Variants in OSBPL10 observed in about 807,000 individuals in gnomAD.
OSBPL10 encodes the protein oxysterol binding protein like 10.
Under a neutral mutation model 81.7 loss-of-function variants are expected in OSBPL10, and 49 were observed. The ratio of observed to expected loss-of-function variants is 0.60; its 90% CI spans 0.48 to 0.76. The LOEUF (loss-of-function observed/expected upper bound fraction) is 0.76. Among genes scored for constraint, OSBPL10 ranks in the 30% least tolerant of loss-of-function variants. The pLI, the probability that OSBPL10 is intolerant of heterozygous loss-of-function variation, is 0.00. For synonymous variants in OSBPL10, 419 were observed against 383.6 expected (o/e 1.09, Z -1.08); for missense variants, 923 against 987.8 (o/e 0.93, Z 0.88).
At chr3:31,680,147 T>C (rs1335279466) in intron 8 of OSBPL10, among the ~76,000 whole-genome samples, 3 of 152,158 alleles carry the variant, frequency 2.0e-5, no homozygotes, top group Non-Finnish European at 4.4e-5. Flanking sequence ...AAGAGGCCGG[T>C]GAGGAAATAC....
chr3:31,783,647 C>T (rs1397484310), intron 4 of OSBPL10, among the ~76,000 whole-genome samples: 1 of 149,534 alleles, frequency 6.7e-6, no homozygotes. Flanking sequence ...AAAAATTAGC[C>T]AGGCATGGTG....
intron 1 of OSBPL10, among the ~76,000 whole-genome samples, chr3:32,072,240 G>C (rs915231406): frequency 6.6e-6 from 1 of 152,118 alleles, no homozygotes; most frequent in African/African-American, 2.4e-5. Context: ...GCTTCTCAAG[G>C]CCGCTTTACT....
intron 2 of OSBPL10, among the ~76,000 whole-genome samples, chr3:32,014,139 C>T (rs1284542802): frequency 6.6e-6 from 1 of 151,870 alleles, no homozygotes; most frequent in Admixed American, 6.6e-5. Flanking sequence ...AGACACACAA[C>T]AAAAAAAGAG....
intron 2 of OSBPL10, among the ~76,000 whole-genome samples, chr3:32,046,148 G>C (rs1699619703): frequency 6.6e-6 from 1 of 152,234 alleles, no homozygotes; most frequent in African/African-American, 2.4e-5. Context: ...GGGAGGCCAA[G>C]GAGGGAGGAT....
At position 32,065,991 on chromosome 3, in the gene OSBPL10, GAAAGAA is replaced by G. The variant is rs1559557363; in HGVS notation, n.185+11399_185+11404del. Among the ~76,000 whole-genome samples, 7 of 65,290 alleles carry G rather than the reference GAAAGAA, an allele frequency of 1.1e-4. 2 individuals carry two copies. The highest frequency in any genetic ancestry group is 2.5e-4 in the African/African-American group (7 of 28,002). The allele number at this position is 65,290 out of a possible 152,430, so 42.8% of individuals were successfully genotyped here. A position where few individuals can be genotyped will look rare whatever the true frequency, so the allele number is the denominator to read the frequency against. ...AGAAAGAAAGAAAGAAAGAAAGAAA[GAAAGAA>G]AGAAAGAAAGAGAAAGAAAGAAAGA... On this transcript the variant is annotated intron_variant and non_coding_transcript_variant, in intron 1 of 3. Coordinates refer to the OSBPL10 transcript ENST00000479173.
intron 10 of OSBPL10, among the ~76,000 whole-genome samples, chr3:31,667,565 A>C (rs945109007): frequency 1.3e-5 from 2 of 152,262 alleles, no homozygotes; most frequent in Admixed American, 6.5e-5. Context: ...GCTTTCATAA[A>C]ATCATTTGTA....
chr3:31,952,803 G>A (rs768628040), intron 1 of OSBPL10, among the ~76,000 whole-genome samples: 3 of 152,098 alleles, frequency 2.0e-5, no homozygotes, highest in Admixed American at 6.5e-5. Flanking sequence ...GATAATATGT[G>A]TGAAGATGAT....
At chr3:31,746,557 A>T (rs1697526504) in intron 5 of OSBPL10, among the ~76,000 whole-genome samples, 1 of 151,978 alleles carries the variant, frequency 6.6e-6, no homozygotes. Context: ...GCATGCCTGT[A>T]ATTCCAGCTA....
At chr3:31,970,379 A>G (rs1698525890) in intron 1 of OSBPL10, among the ~76,000 whole-genome samples, 1 of 152,178 alleles carries the variant, frequency 6.6e-6, no homozygotes, top group African/African-American at 2.4e-5. Flanking sequence ...CTGAAATTCC[A>G]GCCATCATTT....
At chr3:31,791,808 A>C (rs1699016979) in intron 4 of OSBPL10, among the ~76,000 whole-genome samples, 1 of 152,072 alleles carries the variant, frequency 6.6e-6, no homozygotes, top group South Asian at 2.1e-4. Context: ...TACAGTGCTT[A>C]AAATGAAAAA....
rs1020427349 is a variant in OSBPL10 at position 31,743,047 on chromosome 3, T to G, written c.940+4863A>C. 7.0e-5 allele frequency among the ~76,000 whole-genome samples: 10 copies of G among 142,638 alleles called. No individual in the cohort carries two copies. The East Asian group carries it at 1.6e-3, about 23-fold the overall frequency. 93.6% of individuals were successfully genotyped at this position (142,638 alleles called of 152,430 possible). On this transcript the variant is annotated intron_variant, in intron 5 of 11. Coordinates refer to ENST00000396556, the MANE Select transcript of OSBPL10 (RefSeq NM_017784.5). ...GCTAAATTAGTTTTTTTTTTTTTTT[T>G]TTTTTTTTTTTTAGAGAGAGTCTTG...
At chr3:31,916,929 A>G (rs1225997153) in intron 1 of OSBPL10, among the ~76,000 whole-genome samples, 3 of 152,218 alleles carry the variant, frequency 2.0e-5, no homozygotes, top group Admixed American at 6.5e-5. Flanking sequence ...CGGGACTCCT[A>G]TTAAGATATG....
At chr3:31,917,500 C>T (rs575987672) in intron 1 of OSBPL10, among the ~76,000 whole-genome samples, 136 of 151,904 alleles carry the variant, frequency 9.0e-4, no homozygotes, top group African/African-American at 3.1e-3. Flanking sequence ...AGCTGAAAGA[C>T]TACAGACACC....
chr3:31,839,033 C>T (rs1575576598), intron 3 of OSBPL10, among the ~76,000 whole-genome samples: 1 of 152,312 alleles, frequency 6.6e-6, no homozygotes, highest in East Asian at 1.9e-4. Context: ...TCTAACCAGC[C>T]ATGGTGTATT....
intron 7 of OSBPL10, among the ~76,000 whole-genome samples, chr3:31,689,784 T>C (rs748900218): frequency 6.6e-6 from 1 of 152,186 alleles, no homozygotes; most frequent in African/African-American, 2.4e-5. Context: ...TCTGCCATGA[T>C]TGTGAGGCCT....
intron 1 of OSBPL10, among the ~76,000 whole-genome samples, chr3:31,882,012 T>A (rs1304135703): frequency 6.6e-6 from 1 of 152,196 alleles, no homozygotes; most frequent in Non-Finnish European, 1.5e-5. Context: ...CTTCTCCATA[T>A]CACTTCTCCA....
intron 5 of OSBPL10, 39 bp from the exon 6 acceptor site, chr3:31,733,450 A>T: frequency 6.2e-7 from 1 of 1,612,724 alleles, no homozygotes; most frequent in East Asian, 2.2e-5. Flanking sequence ...GTATTTTCCA[A>T]ATTAAACATT....
chr3:31,689,677 T>C (rs1700894182), intron 7 of OSBPL10, among the ~76,000 whole-genome samples: 2 of 152,214 alleles, frequency 1.3e-5, no homozygotes, highest in Non-Finnish European at 2.9e-5. Flanking sequence ...GTAAGTCTCA[T>C]GAGAGCTGAT....
At chr3:31,790,034 G>C (rs897576667) in intron 4 of OSBPL10, among the ~76,000 whole-genome samples, 1 of 151,452 alleles carries the variant, frequency 6.6e-6, no homozygotes, top group Admixed American at 6.6e-5. Flanking sequence ...AAGATGATCT[G>C]GTATCCCACC....
Sources: gnomAD v4.1 joint callset for allele counts (sites outside exome capture counted in the v4.1 genomes callset) on GRCh38, gnomAD v4.1.1 for gene constraint, MANE v1.5 for transcripts, NCBI Gene and HGNC (gene_info 2026-07-23, HGNC 2026-07-21) for gene names.